BLTP1: variants seen among roughly 807,000 people sequenced by gnomAD.
BLTP1 encodes fragile site-associated protein.
the BLTP1 span, chr4:122,211,234 T>G: frequency 1.4e-6 from 1 of 733,808 alleles, no homozygotes; most frequent in Non-Finnish European, 2.2e-6. Context: ...TGACTGGACT[T>G]GGGGTGCTAG....
chr4:122,276,136 G>A, the BLTP1 span: 3 of 879,832 alleles, frequency 3.4e-6, no homozygotes, highest in Non-Finnish European at 4.8e-6. Flanking sequence ...TTTTGTAGCT[G>A]TAATATAGGC....
At chr4:122,335,596 A>C in the BLTP1 span, among the ~76,000 whole-genome samples, 6 of 152,164 alleles carry the variant, frequency 3.9e-5, no homozygotes, top group African/African-American at 1.2e-4. Flanking sequence ...CATTAAGTGC[A>C]TGGCAGCTAT....
chr4:122,306,190 TTGCTTTTTGCC>T, the BLTP1 span: 1,227 of 744,828 alleles, frequency 1.6e-3, 3 homozygotes, highest in Non-Finnish European at 1.7e-3. Context: ...AAAAAAAATC[TTGCTTTTTGCC>T]TTCAGTTTTT....
chr4:122,172,444 T>G, the BLTP1 span: 1 of 395,392 alleles, frequency 2.5e-6, no homozygotes. Flanking sequence ...AAAAATAAAT[T>G]TAGAATATCA....
chr4:122,249,583 G>A, the BLTP1 span: 8 of 1,613,754 alleles, frequency 5.0e-6, no homozygotes, highest in Non-Finnish European at 6.8e-6. Flanking sequence ...GGATGAAACT[G>A]ATCAGCAAGC....
At chr4:122,175,408 C>A in the BLTP1 span, 1 of 350,016 alleles carries the variant, frequency 2.9e-6, no homozygotes, top group Non-Finnish European at 4.0e-6. Flanking sequence ...CTTTTGTGTG[C>A]TAACATCCCT....
chr4:122,282,340 A>G, the BLTP1 span, among the ~76,000 whole-genome samples: 3 of 152,116 alleles, frequency 2.0e-5, no homozygotes, highest in Non-Finnish European at 4.4e-5. Flanking sequence ...GCACATTACC[A>G]ATACTTTGAA....
the BLTP1 span, chr4:122,343,578 T>C: frequency 6.2e-7 from 1 of 1,614,026 alleles, no homozygotes; most frequent in Non-Finnish European, 8.5e-7. Context: ...AAAACTGCTG[T>C]TTCTGGCCTC....
the BLTP1 span, among the ~76,000 whole-genome samples, chr4:122,357,732 T>C: frequency 1.3e-5 from 2 of 152,200 alleles, no homozygotes; most frequent in Non-Finnish European, 2.9e-5. Flanking sequence ...TGCACCGTTA[T>C]GAATATACAA....
chr4:122,339,134 T>A, the BLTP1 span: 1 of 1,483,100 alleles, frequency 6.7e-7, no homozygotes, highest in Non-Finnish European at 9.2e-7. Context: ...ATTTGAACAT[T>A]TCAATATTAT....
At chr4:122,173,938 C>T in the BLTP1 span, among the ~76,000 whole-genome samples, 2 of 152,046 alleles carry the variant, frequency 1.3e-5, no homozygotes, top group African/African-American at 4.8e-5. Context: ...TTTAAAGTAA[C>T]CCATACTTTA....
chr4:122,362,461 A>C, the BLTP1 span: 4 of 386,500 alleles, frequency 1.0e-5, no homozygotes, highest in Non-Finnish European at 1.9e-5. Context: ...CTAGATTAAA[A>C]TATATAACTG....
At chr4:122,218,984 G>T in the BLTP1 span, 2 of 178,432 alleles carry the variant, frequency 1.1e-5, no homozygotes, top group Non-Finnish European at 2.2e-5. Context: ...GATGTCCTCG[G>T]TATTGCCTGA....
chr4:122,323,930 A>G, the BLTP1 span, among the ~76,000 whole-genome samples: 1 of 151,996 alleles, frequency 6.6e-6, no homozygotes, highest in African/African-American at 2.4e-5. Context: ...TTAACTATCT[A>G]GCACCATCAC....
the BLTP1 span, chr4:122,301,946 C>T: frequency 6.6e-6 from 1 of 152,474 alleles, no homozygotes; most frequent in East Asian, 1.9e-4. Flanking sequence ...TGGCACACAC[C>T]TGTAGTCTCA....
the BLTP1 span, among the ~76,000 whole-genome samples, chr4:122,272,906 A>C: frequency 5.9e-5 from 9 of 152,178 alleles, no homozygotes; most frequent in Non-Finnish European, 1.0e-4. Flanking sequence ...GAGCCCATCA[A>C]TTTGAAGATG....
At chr4:122,334,259 G>A in the BLTP1 span, 23 of 1,255,412 alleles carry the variant, frequency 1.8e-5, no homozygotes, top group African/African-American at 2.6e-4. Flanking sequence ...GACTTCCAAT[G>A]TTCTTTCTAC....
At chr4:122,294,360 G>A in the BLTP1 span, among the ~76,000 whole-genome samples, 1 of 152,208 alleles carries the variant, frequency 6.6e-6, no homozygotes, top group Non-Finnish European at 1.5e-5. Context: ...GTTCGGTCCA[G>A]CATTAGGTCG....
At chr4:122,166,213 C>T in the BLTP1 span, among the ~76,000 whole-genome samples, 1,912 of 152,126 alleles carry the variant, frequency 0.013, 37 homozygotes, top group African/African-American at 0.044. Context: ...TTAGGTCTAA[C>T]GTTTAAGTCT....
Sources: gnomAD v4.1 joint callset for allele counts (sites outside exome capture counted in the v4.1 genomes callset) on GRCh38, gnomAD v4.1.1 for gene constraint, MANE v1.5 for transcripts, NCBI Gene and HGNC (gene_info 2026-07-23, HGNC 2026-07-21) for gene names.